The following ALMS1 variants were observed in gnomAD, a reference collection of about 807,000 sequenced individuals.
ALMS1 encodes ALMS1 centrosome and basal body associated protein.
ALMS1 carries 271 observed loss-of-function variants against 352.2 expected under a neutral mutation model. The ratio of observed to expected loss-of-function variants is 0.77; its 90% CI spans 0.70 to 0.85. The LOEUF (loss-of-function observed/expected upper bound fraction) is 0.85, where lower values mean the gene tolerates loss of function less well. Ranked by LOEUF, ALMS1 falls within the 40% of genes least tolerant of loss-of-function variation. The pLI is 0.00. For missense variants in ALMS1, 5,445 were observed against 4,870.7 expected, an observed-to-expected ratio of 1.12 and a Z score of -3.51; for synonymous variants, 1,865 against 1,761.2, an observed-to-expected ratio of 1.06 and a Z score of -1.48.
At chr2:73,608,601 G>A in intron 22 of ALMS1, 27 bp downstream of exon 22, 1 of 1,558,462 alleles carries the variant, frequency 6.4e-7, no homozygotes, top group Non-Finnish European at 8.9e-7. Context: ...TCTAGAGTGG[G>A]ATGGATCAGG....
At chr2:73,575,695 TGGG>T (rs1675037801) in intron 16 of ALMS1, among the ~76,000 whole-genome samples, 1 of 152,198 alleles carries the variant, frequency 6.6e-6, no homozygotes, top group Admixed American at 6.5e-5. Flanking sequence ...TTTGAGTTGT[TGGG>T]ATTTTCTATA....
chr2:73,409,204 G>C (rs956522278), intron 2 of ALMS1, among the ~76,000 whole-genome samples: 2 of 152,036 alleles, frequency 1.3e-5, no homozygotes, highest in African/African-American at 4.8e-5. Context: ...ATAGATTGTT[G>C]TAAACTTTAT....
intron 7 of ALMS1, among the ~76,000 whole-genome samples, chr2:73,438,490 A>C (rs963231021): frequency 1.3e-5 from 2 of 152,216 alleles, no homozygotes; most frequent in Non-Finnish European, 1.5e-5. Context: ...AAAGTAGGGT[A>C]GTGAATTTAG....
chr2:73,477,372 G>T (rs913925926), intron 9 of ALMS1, among the ~76,000 whole-genome samples: 1 of 152,030 alleles, frequency 6.6e-6, no homozygotes, highest in Non-Finnish European at 1.5e-5. Flanking sequence ...GCACTGTGCT[G>T]TCTTGATTAT....
At chr2:73,491,773 C>T (rs939781121) in intron 10 of ALMS1, among the ~76,000 whole-genome samples, 2 of 152,162 alleles carry the variant, frequency 1.3e-5, no homozygotes, top group Non-Finnish European at 2.9e-5. Flanking sequence ...CTTTGATCAT[C>T]CAATGATACA....
At chr2:73,516,981 G>T (rs1053417658) in intron 10 of ALMS1, among the ~76,000 whole-genome samples, 2 of 151,972 alleles carry the variant, frequency 1.3e-5, no homozygotes, top group African/African-American at 2.4e-5. Flanking sequence ...GTGGGACTTG[G>T]TTTCTTATAG....
intron 1 of ALMS1, among the ~76,000 whole-genome samples, chr2:73,402,752 T>A (rs1265899655): frequency 6.6e-6 from 1 of 152,200 alleles, no homozygotes. Context: ...CATTTTGGTT[T>A]TAATTTGCAT....
intron 2 of ALMS1, among the ~76,000 whole-genome samples, chr2:73,418,232 G>A (rs1259758832): frequency 1.3e-5 from 2 of 152,184 alleles, no homozygotes; most frequent in Non-Finnish European, 2.9e-5. Flanking sequence ...TAGGTAGTTT[G>A]AGAAGCAGTT....
chr2:73,601,835 T>C (rs541338231), intron 19 of ALMS1, among the ~76,000 whole-genome samples: 1 of 152,374 alleles, frequency 6.6e-6, no homozygotes, highest in South Asian at 2.1e-4. Context: ...TCTTCTGATG[T>C]GTCCCTTGGG....
chr2:73,393,228 A>C lies in ALMS1; in HGVS notation c.324+7036A>C, dbSNP rs188295239. 2.0e-3 allele frequency among the ~76,000 whole-genome samples: 304 copies of C among 152,324 alleles called. 1 individual carries two copies. The highest frequency in any genetic ancestry group is 7.1e-3 in the African/African-American group (297 of 41,568). On this transcript the variant is annotated intron_variant, in intron 1 of 22. Coordinates refer to ENST00000613296, the MANE Select transcript of ALMS1 (RefSeq NM_001378454.1). ...ATCAATCAAGGGATTGACAAGATACAGTCCCTTGACAAATGTGAGGTCATG... is the reference window on the plus strand; with the variant it reads ...ATCAATCAAGGGATTGACAAGATACCGTCCCTTGACAAATGTGAGGTCATG...
At chr2:73,554,159 G>GA (rs1367964710) in intron 13 of ALMS1, among the ~76,000 whole-genome samples, 5 of 139,210 alleles carry the variant, frequency 3.6e-5, no homozygotes, top group Non-Finnish European at 7.9e-5. Flanking sequence ...AAAGTAAGAA[G>GA]AAAAAAATAC....
At chr2:73,571,094 C>T (rs566988509) in intron 15 of ALMS1, among the ~76,000 whole-genome samples, 17 of 152,250 alleles carry the variant, frequency 1.1e-4, no homozygotes, top group Admixed American at 7.8e-4. Context: ...TTAAATGTTG[C>T]TAGATAATTC....
rs778110449 is a variant in ALMS1 at position 73,452,767 on chromosome 2, A to C, written c.6240A>C (p.Leu2080=). The C allele has an allele frequency of 6.2e-7, 1 of 1,613,474 alleles. No individual in the cohort carries two copies. The highest frequency in any genetic ancestry group is 1.1e-5 in the South Asian group (1 of 91,082). The change falls in exon 8 of 23, where the codon CTA becomes CTC. Residue 2080 remains leucine (L), a synonymous_variant. Coordinates refer to ENST00000613296, the MANE Select transcript of ALMS1 (RefSeq NM_001378454.1). ...TAAAGATTTCAGCTGTCCCTGAACT[A>C]ACTGATGTGAATACTGGAAAACCAG... The part of the protein sequence containing the change: ...GILKISAVPE[L]TDVNTGKPVS...
chr2:73,480,237 C>A (rs1672667613), intron 9 of ALMS1, among the ~76,000 whole-genome samples: 1 of 152,160 alleles, frequency 6.6e-6, no homozygotes, highest in South Asian at 2.1e-4. Flanking sequence ...TCCCCCCACC[C>A]CACCACAGTC....
chr2:73,543,441 A>T (rs1398789265), intron 12 of ALMS1, among the ~76,000 whole-genome samples: 1 of 152,228 alleles, frequency 6.6e-6, no homozygotes, highest in African/African-American at 2.4e-5. Flanking sequence ...AATACCATTC[A>T]GGACACAGGC....
At position 73,426,396 on chromosome 2, in the gene ALMS1, G is replaced by A. The variant is rs1465201998; in HGVS notation, c.1238-57G>A. 2.6e-6 allele frequency: 4 copies of A among 1,562,818 alleles called. No homozygotes were observed. In the East Asian group the frequency reaches 9.0e-5, roughly 35 times the overall value. ...CAAGGTGAAAGTCCTTCGTGTGTGG[G>A]AGCTGAGCCTAGTTTTACTATACAT... is the stretch of plus-strand genomic sequence containing the variant. On this transcript the variant is annotated intron_variant, in intron 5 of 22. Transcript: ENST00000613296.
intron 10 of ALMS1, among the ~76,000 whole-genome samples, chr2:73,512,029 T>C (rs1673463588): frequency 6.6e-6 from 1 of 152,178 alleles, no homozygotes; most frequent in African/African-American, 2.4e-5. Context: ...ATCAAGTTCC[T>C]CCACATCCTC....
chr2:73,403,105 C>G (rs1670903731), intron 1 of ALMS1, among the ~76,000 whole-genome samples: 1 of 152,090 alleles, frequency 6.6e-6, no homozygotes, highest in South Asian at 2.1e-4. Flanking sequence ...AACAACATTG[C>G]CAAGACAAGT....
intron 15 of ALMS1, among the ~76,000 whole-genome samples, chr2:73,571,626 A>G (rs1432713336): frequency 6.6e-6 from 1 of 152,168 alleles, no homozygotes; most frequent in Non-Finnish European, 1.5e-5. Context: ...GAGGGACGCA[A>G]ACATTCAAAC....
Sources: gnomAD v4.1 joint callset for allele counts (sites outside exome capture counted in the v4.1 genomes callset) on GRCh38, gnomAD v4.1.1 for gene constraint, MANE v1.5 for transcripts, NCBI Gene and HGNC (gene_info 2026-07-23, HGNC 2026-07-21) for gene names.